The following AGBL4 variants were observed in gnomAD, a reference collection of about 807,000 sequenced individuals.
The protein encoded by AGBL4 is AGBL carboxypeptidase 4, also known as cytosolic carboxypeptidase 6.
A neutral mutation model predicts 66.4 loss-of-function variants in AGBL4; 58 were observed. The ratio of observed to expected loss-of-function variants is 0.87; its 90% confidence interval spans 0.71 to 1.09. The LOEUF is 1.09. AGBL4 is among the 50% of genes least tolerant of loss of function. The pLI, the probability that AGBL4 is intolerant of heterozygous loss-of-function variation, is 0.00. For missense variants in AGBL4, 579 were observed against 631.0 expected (o/e 0.92, Z 0.88); for synonymous variants, 234 against 222.9 (o/e 1.05, Z -0.44).
chr1:49,094,799 C>G (rs1303142752), intron 4 of AGBL4, among the ~76,000 whole-genome samples: 1 of 152,104 alleles, frequency 6.6e-6, no homozygotes, highest in African/African-American at 2.4e-5. Context: ...ACCTCTCTTA[C>G]CACTCCTATT....
intron 1 of AGBL4, among the ~76,000 whole-genome samples, chr1:50,019,371 C>A (rs1299782845): frequency 1.3e-5 from 2 of 148,164 alleles, no homozygotes; most frequent in Admixed American, 6.8e-5. Flanking sequence ...GATATCATTT[C>A]TCTGGGGGTG....
intron 3 of AGBL4, among the ~76,000 whole-genome samples, chr1:49,273,783 C>A (rs1383922580): frequency 1.3e-5 from 2 of 152,126 alleles, no homozygotes; most frequent in Non-Finnish European, 2.9e-5. Context: ...TCACGCCATT[C>A]TCCTGCCTCA....
chr1:49,177,018 G>A (rs985353739), intron 4 of AGBL4, among the ~76,000 whole-genome samples: 8 of 152,188 alleles, frequency 5.3e-5, no homozygotes, highest in African/African-American at 1.9e-4. Context: ...ACTCAACAAA[G>A]CTCTGTCTTG....
intron 3 of AGBL4, among the ~76,000 whole-genome samples, chr1:49,271,782 T>A (rs1644066049): frequency 6.6e-6 from 1 of 152,214 alleles, no homozygotes; most frequent in African/African-American, 2.4e-5. Flanking sequence ...CTCAGCGTCT[T>A]AATGCAGAAA....
intron 4 of AGBL4, among the ~76,000 whole-genome samples, chr1:49,207,507 T>TTCTTTTCTTTCTTTCC (rs1407456598): frequency 6.8e-6 from 1 of 147,414 alleles, no homozygotes; most frequent in Non-Finnish European, 1.5e-5. Context: ...CTTTCTTTCT[T>TTCTTTTCTTTCTTTCC]TTTCTTTCTT....
chr1:48,684,707 A>G (rs1646504214), intron 6 of AGBL4, among the ~76,000 whole-genome samples: 1 of 151,726 alleles, frequency 6.6e-6, no homozygotes, highest in Admixed American at 6.5e-5. Context: ...TTAATCCAAA[A>G]ATAAAAACTT....
intron 3 of AGBL4, among the ~76,000 whole-genome samples, chr1:49,275,605 T>C (rs1644152023): frequency 1.3e-5 from 2 of 152,100 alleles, no homozygotes; most frequent in African/African-American, 4.8e-5. Flanking sequence ...TTAGTAAAAA[T>C]GGGAACTAGA....
intron 5 of AGBL4, among the ~76,000 whole-genome samples, chr1:49,021,958 T>C (rs904014964): frequency 6.6e-6 from 1 of 152,166 alleles, no homozygotes; most frequent in East Asian, 1.9e-4. Flanking sequence ...GCCATCTGTT[T>C]TTCCTCCATC....
intron 3 of AGBL4, among the ~76,000 whole-genome samples, chr1:49,648,172 A>G (rs2124435174): frequency 6.6e-6 from 1 of 152,254 alleles, no homozygotes; most frequent in Non-Finnish European, 1.5e-5. Context: ...ACTTTAAGAA[A>G]GAACAACAAA....
In AGBL4 at chr1:49,637,804, C is replaced by T. The variant is rs1273939038; in HGVS notation, c.282+59509G>A. Among the ~76,000 whole-genome samples, 5 of 151,450 alleles carry T rather than the reference C, an allele frequency of 3.3e-5. No individual in the cohort carries two copies. The South Asian group carries it at 1.0e-3, about 31-fold the overall frequency. Reference sequence around the variant, plus strand: ...TTGACTACATAAAAGCTTGAGGAACCAATATATAAAAACAACCACAATTTT... The same window carrying T: ...TTGACTACATAAAAGCTTGAGGAACTAATATATAAAAACAACCACAATTTT... On this transcript the variant is annotated intron_variant, in intron 3 of 13. Coordinates refer to ENST00000371839, the MANE Select transcript of AGBL4 (RefSeq NM_032785.4).
chr1:49,037,795 G>T (rs1664783764), intron 5 of AGBL4, among the ~76,000 whole-genome samples: 1 of 151,910 alleles, frequency 6.6e-6, no homozygotes, highest in African/African-American at 2.4e-5. Flanking sequence ...TGTGTTTTGT[G>T]TTAATCTTCT....
At chr1:49,151,473 A>T (rs1483556416) in intron 4 of AGBL4, among the ~76,000 whole-genome samples, 1 of 151,410 alleles carries the variant, frequency 6.6e-6, no homozygotes, top group Non-Finnish European at 1.5e-5. Flanking sequence ...CTCAAACCTT[A>T]TTATGATGTT....
Position 49,159,031 on chromosome 1 carries a change from T to G in AGBL4, c.377+86739A>C, listed in dbSNP as rs144317131. Among the ~76,000 whole-genome samples the G allele has an allele frequency of 4.1e-3, 617 of 151,068 alleles. 7 individuals are homozygous for G. The highest frequency in any genetic ancestry group is 0.014 in the African/African-American group (586 of 41,054). ...TCTCTTTATCCAATTTGCCAGTCTG[T>G]GTCTTTTAATTGGGGCATTTAGCCC... On this transcript the variant is annotated intron_variant, in intron 4 of 13. Coordinates refer to ENST00000371839, the MANE Select transcript of AGBL4 (RefSeq NM_032785.4).
chr1:49,958,555 G>C (rs547171577), intron 1 of AGBL4, among the ~76,000 whole-genome samples: 1 of 152,090 alleles, frequency 6.6e-6, no homozygotes, highest in African/African-American at 2.4e-5. Flanking sequence ...GGACATGGAT[G>C]AAGCTGGAAA....
intron 5 of AGBL4, among the ~76,000 whole-genome samples, chr1:48,931,241 G>A (rs2148903027): frequency 6.6e-6 from 1 of 152,300 alleles, no homozygotes; most frequent in East Asian, 1.9e-4. Context: ...ACTAAAGCAT[G>A]AGGTGCCATG....
At chr1:48,896,043 G>A (rs141561517) in intron 5 of AGBL4, among the ~76,000 whole-genome samples, 55 of 152,276 alleles carry the variant, frequency 3.6e-4, no homozygotes, top group African/African-American at 1.3e-3. Flanking sequence ...CAATAATAAT[G>A]CCTTTCTCCC....
intron 3 of AGBL4, among the ~76,000 whole-genome samples, chr1:49,567,010 C>G (rs992516759): frequency 6.6e-6 from 1 of 152,220 alleles, no homozygotes; most frequent in African/African-American, 2.4e-5. Flanking sequence ...GCAGGCGCCC[C>G]TCCCCCAGCC....
chr1:49,517,729 A>T (rs189453164), intron 3 of AGBL4, among the ~76,000 whole-genome samples: 1 of 152,060 alleles, frequency 6.6e-6, no homozygotes, highest in Non-Finnish European at 1.5e-5. Context: ...CTTTACAAAA[A>T]ATTAAAATAT....
At chr1:49,905,986 C>A (rs1292830404) in intron 1 of AGBL4, among the ~76,000 whole-genome samples, 2 of 151,656 alleles carry the variant, frequency 1.3e-5, no homozygotes, top group African/African-American at 4.8e-5. Flanking sequence ...AATCCTACCC[C>A]CTAGGATTTT....
Sources: allele counts gnomAD v4.1 joint callset (sites outside exome capture counted in the v4.1 genomes callset), GRCh38; gene constraint gnomAD v4.1.1; transcripts MANE v1.5; gene names NCBI Gene and HGNC (gene_info 2026-07-23, HGNC 2026-07-21).